TOX: variants seen among roughly 807,000 people sequenced by gnomAD.
The protein encoded by TOX is thymocyte selection associated high mobility group box.
TOX carries 11 observed loss-of-function variants against 53.7 expected under a neutral mutation model. That is an observed-to-expected ratio of 0.20 (90% CI 0.13 to 0.34). TOX has a LOEUF of 0.34. Ranked by LOEUF, TOX falls within the 10% of genes least tolerant of loss-of-function variation. TOX has a pLI of 1.00. For synonymous variants in TOX, 225 were observed against 245.3 expected, an observed-to-expected ratio of 0.92 and a Z score of 0.77; for missense variants, 570 against 664.6, an observed-to-expected ratio of 0.86 and a Z score of 1.56.
At chr8:59,072,468 A>G (rs1348698555) in intron 1 of TOX, among the ~76,000 whole-genome samples, 1 of 152,226 alleles carries the variant, frequency 6.6e-6, no homozygotes, top group African/African-American at 2.4e-5. Flanking sequence ...AGCTGAGGAA[A>G]CTGCCTGATG....
chr8:59,058,946 G>A (rs1803931767), intron 1 of TOX, among the ~76,000 whole-genome samples: 1 of 152,224 alleles, frequency 6.6e-6, no homozygotes, highest in Non-Finnish European at 1.5e-5. Context: ...TGCACATCAA[G>A]CACACCCTGA....
intron 1 of TOX, among the ~76,000 whole-genome samples, chr8:59,077,593 T>C (rs1403128547): frequency 6.6e-6 from 1 of 152,192 alleles, no homozygotes; most frequent in Non-Finnish European, 1.5e-5. Context: ...TGTGTTCTCC[T>C]GGCACTGAGA....
At chr8:59,052,063 C>G (rs1474218819) in intron 1 of TOX, among the ~76,000 whole-genome samples, 1 of 152,060 alleles carries the variant, frequency 6.6e-6, no homozygotes, top group Non-Finnish European at 1.5e-5. Context: ...CTACATAAGA[C>G]AAAGCTTACA....
intron 3 of TOX, among the ~76,000 whole-genome samples, chr8:58,927,102 T>C (rs551249232): frequency 1.4e-4 from 21 of 152,218 alleles, no homozygotes; most frequent in African/African-American, 5.1e-4. Flanking sequence ...AATCAACTGA[T>C]TTGTCAAAGT....
At chr8:58,903,439 G>T (rs1811762441) in intron 3 of TOX, among the ~76,000 whole-genome samples, 1 of 152,150 alleles carries the variant, frequency 6.6e-6, no homozygotes, top group Non-Finnish European at 1.5e-5. Flanking sequence ...TAAATTCCCT[G>T]TGTAGTTTCA....
intron 3 of TOX, among the ~76,000 whole-genome samples, chr8:58,931,159 A>G (rs1175688078): frequency 6.6e-6 from 1 of 152,164 alleles, no homozygotes; most frequent in Non-Finnish European, 1.5e-5. Flanking sequence ...GGAGGGATCA[A>G]TGAATCAGCA....
intron 1 of TOX, among the ~76,000 whole-genome samples, chr8:58,991,390 A>G (rs1171417615): frequency 2.4e-4 from 36 of 152,240 alleles, no homozygotes; most frequent in Admixed American, 2.3e-3. Flanking sequence ...GTACTACCTA[A>G]GAAAACTCAA....
In TOX at chr8:58,998,493, GTATATATATATATATATATATATA is replaced by G. The variant is rs61434586; in HGVS notation, c.103-38509_103-38486del. ...GATAGAGCCAGACTCCATCTCAAAA[GTATATATATATATATATATATATA>G]TATATATATATATATATATATAAAT... On this transcript the variant is annotated intron_variant, in intron 1 of 8. Coordinates refer to ENST00000361421, the MANE Select transcript of TOX (RefSeq NM_014729.3). 1.4e-3 allele frequency among the ~76,000 whole-genome samples: 91 copies of G among 63,600 alleles called. 3 individuals carry two copies. Among genetic ancestry groups the G allele is most frequent in the East Asian group, 7.7e-3 (16 of 2,076 alleles). 41.7% of individuals were successfully genotyped at this position (63,600 alleles called of 152,430 possible).
At position 59,118,832 on chromosome 8, in the gene TOX, C is replaced by G; in HGVS notation, c.102+54G>C. The G allele has an allele frequency of 1.4e-6, 2 of 1,432,680 alleles. No homozygotes were observed. Among genetic ancestry groups the G allele is most frequent in the Non-Finnish European group, 1.9e-6 (2 of 1,053,278 alleles). 88.7% of individuals were successfully genotyped at this position (1,432,680 alleles called of 1,614,324 possible). On this transcript the variant is annotated intron_variant, in intron 1 of 8. Transcript: ENST00000361421. This position sits in a 1 kb window ranked among gnomAD's most constrained non-coding sequence, Gnocchi z 4.1. ...CGCCGCGGCCCGGCCACCGCCGCTC[C>G]CCTCCCAGGATCAAGCAGCAAGAAC...
chr8:58,875,809 T>G (rs1811273731), intron 3 of TOX, among the ~76,000 whole-genome samples: 1 of 152,210 alleles, frequency 6.6e-6, no homozygotes, highest in Non-Finnish European at 1.5e-5. Context: ...GTCTTTAAGC[T>G]TCAGTTTTTG....
At chr8:59,023,404 C>T (rs1814174071) in intron 1 of TOX, among the ~76,000 whole-genome samples, 1 of 113,808 alleles carries the variant, frequency 8.8e-6, no homozygotes. Flanking sequence ...TTTTACAATA[C>T]ATATTTTATC....
intron 1 of TOX, among the ~76,000 whole-genome samples, chr8:59,057,690 G>A (rs1400413647): frequency 6.6e-6 from 1 of 152,094 alleles, no homozygotes; most frequent in African/African-American, 2.4e-5. Flanking sequence ...ATATATGAAT[G>A]CTGGGAAAAA....
At chr8:59,047,000 A>C (rs1023049692) in intron 1 of TOX, among the ~76,000 whole-genome samples, 1 of 152,050 alleles carries the variant, frequency 6.6e-6, no homozygotes, top group Non-Finnish European at 1.5e-5. Context: ...CATATATTCC[A>C]TGTCTATTCA....
In TOX at chr8:59,048,370, T is replaced by C. The variant is rs143376985; in HGVS notation, c.102+70516A>G. 7.2e-5 allele frequency among the ~76,000 whole-genome samples: 11 copies of C among 152,302 alleles called. No individual in the cohort carries two copies. The East Asian group carries it at 2.1e-3, about 29-fold the overall frequency. On this transcript the variant is annotated intron_variant, in intron 1 of 8. Transcript: ENST00000361421. The stretch of plus-strand genomic sequence containing the variant: ...TCAGGTACCTCCCTGAGTCTGCACA[T>C]CCATGAACAGTTCCATGAAAGCTCC...
In TOX at chr8:58,823,900, A is replaced by G. The variant is rs371835307; in HGVS notation, c.1005+2922T>C. Among the ~76,000 whole-genome samples the G allele has an allele frequency of 2.5e-4, 38 of 152,358 alleles. 4 individuals carry two copies. In the South Asian group the frequency reaches 7.5e-3, roughly 30 times the overall value. ...GAAATGCAAAGTCATATTTGGGGAA[A>G]TGAATGCCTTGCCTAGAAAATAGGT... On this transcript the variant is annotated intron_variant, in intron 6 of 8. Coordinates refer to ENST00000361421, the MANE Select transcript of TOX (RefSeq NM_014729.3).
chr8:58,823,211 T>C (rs1810310458), intron 6 of TOX, among the ~76,000 whole-genome samples: 2 of 152,160 alleles, frequency 1.3e-5, no homozygotes, highest in Non-Finnish European at 2.9e-5. Flanking sequence ...AGATGGTATA[T>C]AGCACTTTTT....
In TOX at chr8:59,117,627, G is replaced by A. The variant is rs527673876; in HGVS notation, c.102+1259C>T. Among the ~76,000 whole-genome samples, 18 of 152,230 alleles carry A rather than the reference G, an allele frequency of 1.2e-4. No homozygotes were observed. The highest frequency in any genetic ancestry group is 2.6e-4 in the Non-Finnish European group (18 of 68,044). The stretch of plus-strand genomic sequence containing the variant: ...CGGAGTCCAGGGCTGAGAAGGCAGC[G>A]CACTAAATATCTCTGTATCAGGTAA... On this transcript the variant is annotated intron_variant, in intron 1 of 8. Transcript: ENST00000361421. The surrounding 1 kb of genome is among the most constrained non-coding windows in gnomAD (Gnocchi z 4.6).
At chr8:59,113,031 G>A (rs909132463) in intron 1 of TOX, among the ~76,000 whole-genome samples, 1 of 152,168 alleles carries the variant, frequency 6.6e-6, no homozygotes, top group African/African-American at 2.4e-5. Context: ...GGTGGTAAGT[G>A]ATCTAAATTT....
Position 58,959,925 on chromosome 8 carries a change from G to A in TOX, c.168+18C>T, listed in dbSNP as rs759246892. The stretch of plus-strand genomic sequence containing the variant: ...TAATTACAATTTGAAACAAGGCAGA[G>A]AAGATTAATTAACCCACCTGGCTGG... On this transcript the variant is annotated intron_variant, in intron 2 of 8. Coordinates refer to ENST00000361421, the MANE Select transcript of TOX (RefSeq NM_014729.3). The A allele has an allele frequency of 5.0e-6, 8 of 1,613,864 alleles. No homozygotes were observed. The African/African-American group carries it at 5.3e-5, about 11-fold the overall frequency.
Sources: gnomAD v4.1 joint callset for allele counts (sites outside exome capture counted in the v4.1 genomes callset) on GRCh38, gnomAD v4.1.1 for gene constraint, Gnocchi (gnomAD v3.1) non-coding constraint, MANE v1.5 for transcripts, NCBI Gene and HGNC (gene_info 2026-07-23, HGNC 2026-07-21) for gene names.